PPEF1: variants seen among roughly 807,000 people sequenced by gnomAD.
PPEF1 encodes the protein serine/threonine-protein phosphatase with EF-hands 1.
Under a neutral mutation model 53.3 loss-of-function variants are expected in PPEF1, and 12 were observed. The observed-to-expected ratio is 0.23, with a 90% confidence interval of 0.14 to 0.36. The LOEUF is 0.36. PPEF1 is among the 10% of genes least tolerant of loss of function. PPEF1 has a pLI of 1.00. For synonymous variants in PPEF1, 165 were observed against 176.7 expected (o/e 0.93, Z 0.52); for missense variants, 334 against 490.4 (o/e 0.68, Z 3.01).
chrX:18,690,143 G>A (rs975127282), intron 3 of PPEF1, among the ~76,000 whole-genome samples: 4 of 111,296 alleles, frequency 3.6e-5, no homozygotes, highest in African/African-American at 1.3e-4. Flanking sequence ...TTGCTAACTG[G>A]TATATCCCCA....
intron 13 of PPEF1, 35 bp downstream of exon 13, chrX:18,818,180 C>T (rs377448104): frequency 1.0e-6 from 1 of 975,536 alleles, no homozygotes. Context: ...CATTTCTTAA[C>T]ACACCAAGTT....
At chrX:18,678,596 A>G (rs1351601523), upstream of PPEF1, among the ~76,000 whole-genome samples, 1 of 111,680 alleles carries the variant, frequency 9.0e-6, no homozygotes, top group African/African-American at 3.3e-5. Flanking sequence ...CCAGCACTCC[A>G]CCAAAATTCC....
At chrX:18,715,397 C>T (rs5909209) in intron 1 of PPEF1, among the ~76,000 whole-genome samples, 3,249 of 110,505 alleles carry the variant, frequency 0.029, 57 homozygotes, top group South Asian at 0.049. Flanking sequence ...CTGGGCGTGA[C>T]GGCACATGCC....
chrX:18,773,535 A>G (rs1415712246), intron 6 of PPEF1, among the ~76,000 whole-genome samples: 1 of 112,302 alleles, frequency 8.9e-6, no homozygotes, highest in African/African-American at 3.2e-5. Context: ...CACACTTAGT[A>G]TAACAACAGA....
intron 1 of PPEF1, among the ~76,000 whole-genome samples, chrX:18,721,012 CAT>C (rs1192641194): frequency 1.8e-5 from 2 of 111,642 alleles, no homozygotes; most frequent in Non-Finnish European, 3.8e-5. Context: ...AGATACTTCA[CAT>C]GTGTCTCTAT....
intron 3 of PPEF1, 120 bp downstream of exon 3, chrX:18,733,928 G>A: frequency 1.8e-6 from 1 of 554,259 alleles, no homozygotes; most frequent in African/African-American, 2.4e-5. Context: ...TACCTCTTTT[G>A]TTTATGTGAC....
intron 7 of PPEF1, among the ~76,000 whole-genome samples, chrX:18,779,621 A>G (rs2046044101): frequency 1.8e-5 from 2 of 112,134 alleles, no homozygotes; most frequent in South Asian, 7.4e-4. Flanking sequence ...TGACATGATA[A>G]TTGCTTCTGG....
intron 13 of PPEF1, among the ~76,000 whole-genome samples, chrX:18,821,780 AGAGAGAGAGAGAGAGAGAGAG>A (rs2047057875): frequency 2.9e-5 from 3 of 103,808 alleles, no homozygotes; most frequent in South Asian, 4.4e-4. Flanking sequence ...AGAGAGAGAG[AGAGAGAGAGAGAGAGAGAGAG>A]AGAAAACAAA....
rs148327046 is a variant in PPEF1, at chrX:18,814,461, G to A, written c.1395-3578G>A. On this transcript the variant is annotated intron_variant, in intron 12 of 15. Coordinates refer to ENST00000470157, the MANE Select transcript of PPEF1 (RefSeq NM_001377996.1). ...TGAACTAGTTTGCATTTACACCAGCGGTGTATAAGCATTCCCTTTTCTCTG... is the reference window on the plus strand; with the variant it reads ...TGAACTAGTTTGCATTTACACCAGCAGTGTATAAGCATTCCCTTTTCTCTG... 5.9e-3 allele frequency among the ~76,000 whole-genome samples: 661 copies of A among 111,725 alleles called. 2 individuals carry two copies. The highest frequency in any genetic ancestry group is 0.011 in the Non-Finnish European group (563 of 53,070).
intron 4 of PPEF1, among the ~76,000 whole-genome samples, chrX:18,696,053 C>A (rs1194457905): frequency 8.9e-6 from 1 of 112,468 alleles, no homozygotes; most frequent in Admixed American, 9.4e-5. Flanking sequence ...AGAATTCACC[C>A]TTGAAAATAT....
At chrX:18,759,585 T>G (rs1273623188) in intron 5 of PPEF1, among the ~76,000 whole-genome samples, 4 of 111,761 alleles carry the variant, frequency 3.6e-5, no homozygotes, top group Admixed American at 9.5e-5. Flanking sequence ...AGTTTTTCTT[T>G]CGCTGTCCAA....
chrX:18,698,499 G>A (rs1376148440), intron 5 of PPEF1, among the ~76,000 whole-genome samples: 1 of 111,918 alleles, frequency 8.9e-6, no homozygotes, highest in African/African-American at 3.2e-5. Flanking sequence ...GTTTAAAACT[G>A]AGGGTGTGGC....
At chrX:18,804,367 T>A (rs946207176) in intron 11 of PPEF1, among the ~76,000 whole-genome samples, 2 of 109,252 alleles carry the variant, frequency 1.8e-5, no homozygotes, top group African/African-American at 6.7e-5. Flanking sequence ...AGTGCAGTGG[T>A]GTGATCTCAG....
In PPEF1 at chrX:18,736,927, A is replaced by G. The variant is rs183633050; in HGVS notation, c.235+3119A>G. On this transcript the variant is annotated intron_variant, in intron 3 of 15. Coordinates refer to ENST00000470157, the MANE Select transcript of PPEF1 (RefSeq NM_001377996.1). ...CTAGTTTATTTGTGTAGAGGTGTTT[A>G]TAGTATTCTCTGATGGTAGTTTGTA... Among the ~76,000 whole-genome samples, 188 of 112,064 alleles carry G rather than the reference A, an allele frequency of 1.7e-3. 2 individuals carry two copies. The East Asian group carries it at 0.038, about 23-fold the overall frequency.
intron 9 of PPEF1, among the ~76,000 whole-genome samples, chrX:18,785,782 T>C (rs1049495508): frequency 6.3e-5 from 7 of 110,691 alleles, no homozygotes; most frequent in Admixed American, 9.6e-5. Context: ...CTTGGGAGGC[T>C]GAAGCATGAG....
upstream of PPEF1, among the ~76,000 whole-genome samples, chrX:18,681,852 C>A (rs148195775): frequency 4.5e-5 from 5 of 111,150 alleles, no homozygotes; most frequent in East Asian, 1.4e-3. Flanking sequence ...ACAGCAATGC[C>A]CCATAGACAG....
chrX:18,717,325 A>T (rs943936124), intron 1 of PPEF1, among the ~76,000 whole-genome samples: 3 of 108,606 alleles, frequency 2.8e-5, no homozygotes, highest in African/African-American at 1.0e-4. Flanking sequence ...CACCCTGAAG[A>T]AATTTAACAT....
chrX:18,680,204 TTGC>T (rs757808484), upstream of PPEF1, among the ~76,000 whole-genome samples: 16 of 109,968 alleles, frequency 1.5e-4, no homozygotes, highest in Admixed American at 7.9e-4. Context: ...CTCGGGGCCT[TTGC>T]TGCTGCTGCT....
At chrX:18,683,122 T>C (rs1392376101) in intron 1 of PPEF1, among the ~76,000 whole-genome samples, 1 of 111,515 alleles carries the variant, frequency 9.0e-6, no homozygotes, top group Non-Finnish European at 1.9e-5. Context: ...TTGCCTCCCC[T>C]CCGGGTCCCT....
Sources: allele counts gnomAD v4.1 joint callset (sites outside exome capture counted in the v4.1 genomes callset), GRCh38; gene constraint gnomAD v4.1.1; transcripts MANE v1.5; gene names NCBI Gene and HGNC (gene_info 2026-07-23, HGNC 2026-07-21).